Variants in NAALADL2 observed in about 807,000 individuals in gnomAD.
NAALADL2 encodes the protein N-acetylated alpha-linked acidic dipeptidase like 2.
Under a neutral mutation model 87.2 loss-of-function variants are expected in NAALADL2, and 76 were observed. That is an observed-to-expected ratio of 0.87 (90% CI 0.72 to 1.05). The LOEUF (loss-of-function observed/expected upper bound fraction) is 1.05, where lower values mean the gene tolerates loss of function less well. Among genes scored for constraint, NAALADL2 ranks in the 50% least tolerant of loss-of-function variants. The pLI is 0.00. For synonymous variants in NAALADL2, 354 were observed against 331.0 expected, an observed-to-expected ratio of 1.07 and a Z score of -0.75; for missense variants, 1,089 against 945.8, an observed-to-expected ratio of 1.15 and a Z score of -1.99.
At chr3:175,195,619 G>A (rs1738870151) in intron 2 of NAALADL2, among the ~76,000 whole-genome samples, 1 of 151,818 alleles carries the variant, frequency 6.6e-6, no homozygotes, top group African/African-American at 2.4e-5. Flanking sequence ...GATGATGAAT[G>A]CAAAGAGGTA....
intron 1 of NAALADL2, among the ~76,000 whole-genome samples, chr3:175,006,099 T>TG (rs1358878924): frequency 8.5e-5 from 13 of 152,166 alleles, no homozygotes; most frequent in Non-Finnish European, 1.9e-4. Flanking sequence ...CTGTTCCTTA[T>TG]GGTTCCCACC....
At chr3:174,541,210 T>C (rs899169680) in intron 1 of NAALADL2, among the ~76,000 whole-genome samples, 4 of 152,324 alleles carry the variant, frequency 2.6e-5, no homozygotes, top group South Asian at 4.1e-4. Context: ...ATACCTATTA[T>C]GCCACACTTC....
chr3:174,720,493 AG>A (rs1396157852), intron 2 of NAALADL2, among the ~76,000 whole-genome samples: 4 of 152,150 alleles, frequency 2.6e-5, no homozygotes, highest in African/African-American at 9.7e-5. Context: ...TTGATGGAAA[AG>A]TACTTTGTTA....
chr3:175,570,253 G>T (rs141473773), intron 9 of NAALADL2, among the ~76,000 whole-genome samples: 4 of 152,230 alleles, frequency 2.6e-5, no homozygotes, highest in Non-Finnish European at 5.9e-5. Context: ...GTTCCATTCA[G>T]GTCTTCAGCT....
chr3:174,833,779 A>T (rs959052250), intron 3 of NAALADL2, among the ~76,000 whole-genome samples: 1 of 151,676 alleles, frequency 6.6e-6, no homozygotes, highest in African/African-American at 2.4e-5. Context: ...TAAAATGTAT[A>T]TTGAGAGAGT....
intron 10 of NAALADL2, among the ~76,000 whole-genome samples, chr3:175,578,329 G>A (rs1410667241): frequency 6.6e-6 from 1 of 151,992 alleles, no homozygotes; most frequent in Admixed American, 6.6e-5. Context: ...ATGGTGGGGA[G>A]GGCTGTGATG....
At chr3:175,068,270 T>TA (rs1214891238) in intron 1 of NAALADL2, among the ~76,000 whole-genome samples, 1 of 152,002 alleles carries the variant, frequency 6.6e-6, no homozygotes. Context: ...AACAATAGAA[T>TA]AAAAAATTAG....
At chr3:175,052,627 C>T (rs752842481) in intron 1 of NAALADL2, among the ~76,000 whole-genome samples, 1 of 152,166 alleles carries the variant, frequency 6.6e-6, no homozygotes, top group Non-Finnish European at 1.5e-5. Context: ...CACTCCAGTT[C>T]CTGGCATTAA....
In NAALADL2 at chr3:174,946,052, A is replaced by G. The variant is rs911759674; in HGVS notation, c.43+86602A>G. Among the ~76,000 whole-genome samples, 292 of 150,786 alleles carry G rather than the reference A, an allele frequency of 1.9e-3. 1 individual carries two copies. Among genetic ancestry groups the G allele is most frequent in the Non-Finnish European group, 3.1e-3 (211 of 67,596 alleles). The stretch of plus-strand genomic sequence containing the variant: ...CAGTGAGACTCTGCCTCAAAAAAAA[A>G]AAAAAAAAAAAAAAAAAAATTATTC... On this transcript the variant is annotated intron_variant, in intron 1 of 13. Transcript: ENST00000454872.
intron 2 of NAALADL2, among the ~76,000 whole-genome samples, chr3:174,632,817 C>T (rs1184070435): frequency 1.3e-5 from 2 of 151,252 alleles, no homozygotes; most frequent in Admixed American, 1.3e-4. Context: ...TGCCTCTAAT[C>T]CCAGCTACTC....
At chr3:174,778,812 C>T (rs1715566167) in intron 3 of NAALADL2, among the ~76,000 whole-genome samples, 1 of 152,084 alleles carries the variant, frequency 6.6e-6, no homozygotes, top group South Asian at 2.1e-4. Flanking sequence ...ATGAACTGAT[C>T]CTTTTCTATG....
intron 10 of NAALADL2, among the ~76,000 whole-genome samples, chr3:175,618,757 T>C (rs1324313248): frequency 3.3e-5 from 5 of 152,128 alleles, no homozygotes; most frequent in Admixed American, 1.3e-4. Flanking sequence ...TGCCCAGGAA[T>C]GTGAGTGCGA....
intron 2 of NAALADL2, among the ~76,000 whole-genome samples, chr3:175,133,188 A>G (rs1252975145): frequency 6.9e-6 from 1 of 144,594 alleles, no homozygotes; most frequent in Non-Finnish European, 1.5e-5. Context: ...GGCGCTCCTC[A>G]CTTCCTAGAT....
chr3:175,605,456 A>G (rs953157136), intron 10 of NAALADL2, among the ~76,000 whole-genome samples: 60 of 152,266 alleles, frequency 3.9e-4, no homozygotes, highest in African/African-American at 1.4e-3. Flanking sequence ...ATTTATGTAT[A>G]ATGCAGACTG....
At chr3:175,626,128 C>T (rs1279167094) in intron 10 of NAALADL2, among the ~76,000 whole-genome samples, 1 of 151,970 alleles carries the variant, frequency 6.6e-6, no homozygotes, top group Non-Finnish European at 1.5e-5. Flanking sequence ...TATGTGCTAA[C>T]ACTGAATTTC....
intron 2 of NAALADL2, among the ~76,000 whole-genome samples, chr3:174,612,975 C>T (rs752456600): frequency 1.3e-4 from 20 of 152,310 alleles, no homozygotes; most frequent in Middle Eastern, 6.8e-3. Flanking sequence ...ATGGGTATTA[C>T]GACCTAAGCT....
At chr3:174,873,437 T>C (rs1728107458) in intron 1 of NAALADL2, among the ~76,000 whole-genome samples, 1 of 151,944 alleles carries the variant, frequency 6.6e-6, no homozygotes, top group Admixed American at 6.6e-5. Context: ...ATATTCTTAA[T>C]AGAGATGGGG....
chr3:175,014,277 C>T (rs1750536822), intron 1 of NAALADL2, among the ~76,000 whole-genome samples: 3 of 152,106 alleles, frequency 2.0e-5, no homozygotes. Context: ...GGGTTACTCT[C>T]TTATATCCTT....
chr3:175,181,703 ATGTGTGTGTGTGTG>A (rs1553802433), intron 2 of NAALADL2, among the ~76,000 whole-genome samples: 17 of 106,832 alleles, frequency 1.6e-4, no homozygotes, highest in East Asian at 5.2e-4. Flanking sequence ...ATATATATAT[ATGTGTGTGTGTGTG>A]TATATATATG....
Sources: allele counts gnomAD v4.1 joint callset (sites outside exome capture counted in the v4.1 genomes callset), GRCh38; gene constraint gnomAD v4.1.1; transcripts MANE v1.5; gene names NCBI Gene and HGNC (gene_info 2026-07-23, HGNC 2026-07-21).